Variants in LSM12 observed in about 807,000 individuals in gnomAD.
LSM12 encodes protein LSM12.
For synonymous variants in LSM12, 74 were observed against 87.3 expected, an observed-to-expected ratio of 0.85 and a Z score of 0.85; for missense variants, 108 against 238.9, an observed-to-expected ratio of 0.45 and a Z score of 3.61.
chr17:44,052,336 C>G (rs2049656066), intron 2 of LSM12, among the ~76,000 whole-genome samples: 1 of 151,434 alleles, frequency 6.6e-6, no homozygotes, highest in Admixed American at 6.6e-5. Flanking sequence ...TAAAAAAAAT[C>G]AGCCAGGTGT....
At chr17:44,066,816 T>A, upstream of LSM12, 1 of 393,976 alleles carries the variant, frequency 2.5e-6, no homozygotes, top group Non-Finnish European at 4.1e-6. Context: ...TAAGTGCTTG[T>A]AGAGTCCATT....
intron 2 of LSM12, among the ~76,000 whole-genome samples, chr17:44,052,442 A>G (rs1368242984): frequency 6.6e-6 from 1 of 152,102 alleles, no homozygotes; most frequent in Non-Finnish European, 1.5e-5. Flanking sequence ...AGAGCAAGAC[A>G]ACAGAGCAAG....
chr17:44,055,053 T>C (rs1285739164), intron 2 of LSM12, among the ~76,000 whole-genome samples: 1 of 151,852 alleles, frequency 6.6e-6, no homozygotes, highest in Admixed American at 6.6e-5. Context: ...ATTTTCACCA[T>C]ATTGGCCAGA....
chr17:44,053,786 T>G (rs920880866), intron 2 of LSM12, among the ~76,000 whole-genome samples: 2 of 152,126 alleles, frequency 1.3e-5, no homozygotes, highest in Non-Finnish European at 2.9e-5. Flanking sequence ...TGCTTCAATC[T>G]CCAGGGTAGT....
intron 3 of LSM12, among the ~76,000 whole-genome samples, chr17:44,038,805 C>G (rs944716357): frequency 6.6e-6 from 1 of 152,216 alleles, no homozygotes; most frequent in African/African-American, 2.4e-5. Context: ...TTCCAGTTCA[C>G]ACTTGGGAAG....
chr17:44,062,023 C>T (rs1405240984), intron 2 of LSM12, among the ~76,000 whole-genome samples: 1 of 151,874 alleles, frequency 6.6e-6, no homozygotes, highest in Non-Finnish European at 1.5e-5. Context: ...AGATCGAGAC[C>T]GTCCTGGCTA....
intron 3 of LSM12, among the ~76,000 whole-genome samples, chr17:44,038,414 C>T (rs1054284510): frequency 1.3e-5 from 2 of 150,964 alleles, no homozygotes; most frequent in African/African-American, 4.9e-5. Flanking sequence ...AATCCCAGCA[C>T]TTTGGAGGCC....
chr17:44,063,281 T>A lies in LSM12; in HGVS notation c.258+520A>T, dbSNP rs139668172. The stretch of plus-strand genomic sequence containing the variant: ...GGGTTCCCAGAGATCAACTTTTATG[T>A]GCAAGATTAAAATATGCTAAGCATG... On this transcript the variant is annotated intron_variant, in intron 2 of 4. Transcript: ENST00000293406. Among the ~76,000 whole-genome samples, 26 of 152,242 alleles carry A rather than the reference T, an allele frequency of 1.7e-4. No individual in the cohort carries two copies. The East Asian group carries it at 4.4e-3, about 26-fold the overall frequency.
In LSM12 at chr17:44,049,014, C is replaced by A. The variant is rs2049607921; in HGVS notation, c.259-8758G>T. ...GACTAGCCTGGCCAACATTGTGAAA[C>A]CCTGTCTCTACTGAAAATACAAAAA... On this transcript the variant is annotated intron_variant, in intron 2 of 4. Coordinates refer to ENST00000293406, the MANE Select transcript of LSM12 (RefSeq NM_001371445.1). Among the ~76,000 whole-genome samples, 4 of 152,068 alleles carry A rather than the reference C, an allele frequency of 2.6e-5. No individual in the cohort carries two copies. The South Asian group carries it at 8.3e-4, about 32-fold the overall frequency.
chr17:44,064,102 C>G (rs1417988860), intron 1 of LSM12, among the ~76,000 whole-genome samples, 168 bp from the exon 2 acceptor site: 1 of 152,204 alleles, frequency 6.6e-6, no homozygotes, highest in African/African-American at 2.4e-5. Context: ...TGCCTGTCAC[C>G]TTCCTCCTGC....
chr17:44,048,954 C>T (rs980430084), intron 2 of LSM12, among the ~76,000 whole-genome samples: 3 of 152,186 alleles, frequency 2.0e-5, no homozygotes, highest in Non-Finnish European at 4.4e-5. Flanking sequence ...CTTTGGGAGG[C>T]CAAGGCAGGA....
At chr17:44,049,279 GTTTGTT>G (rs1040070537) in intron 2 of LSM12, among the ~76,000 whole-genome samples, 9 of 152,190 alleles carry the variant, frequency 5.9e-5, no homozygotes, top group Non-Finnish European at 7.4e-5. Flanking sequence ...ATTTTTGTTT[GTTTGTT>G]TTTGTTTTTA....
At chr17:44,064,948 ACG>A in intron 1 of LSM12, among the ~76,000 whole-genome samples, 8 of 151,802 alleles carry the variant, frequency 5.3e-5, no homozygotes, top group African/African-American at 1.7e-4. Context: ...CTTGGCTAAC[ACG>A]GTGAAACCCC....
chr17:44,045,675 A>G (rs2049553408), intron 2 of LSM12, among the ~76,000 whole-genome samples: 1 of 152,054 alleles, frequency 6.6e-6, no homozygotes, highest in African/African-American at 2.4e-5. Context: ...GGCTCAAGCA[A>G]TCCTCCCACT....
Position 44,036,016 on chromosome 17 carries a change from C to G in LSM12, c.*192G>C, listed in dbSNP as rs537416688. On this transcript the variant is annotated 3_prime_UTR_variant, in exon 5 of 5. Coordinates refer to ENST00000293406, the MANE Select transcript of LSM12 (RefSeq NM_001371445.1). ...GTCTGTTAGTCAAGTAATGATTCAA[C>G]TTTTAAATTATTCTCTTGTTCTTTT... 7 of 482,966 alleles carry G rather than the reference C, an allele frequency of 1.4e-5. No individual in the cohort carries two copies. The African/African-American group carries it at 1.5e-4, about 10-fold the overall frequency. The allele number at this position is 482,966 out of a possible 1,614,324, so 29.9% of individuals were successfully genotyped here. A position where few individuals can be genotyped will look rare whatever the true frequency, so the allele number is the denominator to read the frequency against.
intron 2 of LSM12, among the ~76,000 whole-genome samples, chr17:44,052,363 A>C (rs976684600): frequency 1.3e-5 from 2 of 152,068 alleles, no homozygotes; most frequent in African/African-American, 2.4e-5. Context: ...ATGCACCTGT[A>C]GTCTCAGCTA....
In LSM12 at chr17:44,034,534, G is replaced by A. The variant is rs1208347056; in HGVS notation, c.*1674C>T. ...CGGGGGTGAAAAGAGAGGGTAAATA[G>A]TAGGAAGAAGAGACTCTAAAGAGAA... is the stretch of plus-strand genomic sequence containing the variant. On this transcript the variant is annotated 3_prime_UTR_variant, in exon 5 of 5. Coordinates refer to ENST00000293406, the MANE Select transcript of LSM12 (RefSeq NM_001371445.1). 1.3e-5 allele frequency: 2 copies of A among 152,438 alleles called. No homozygotes were observed. Among genetic ancestry groups the A allele is most frequent in the Non-Finnish European group, 2.9e-5 (2 of 68,036 alleles). The allele number at this position is 152,438 out of a possible 1,614,324, so 9.4% of individuals were successfully genotyped here.
intron 2 of LSM12, among the ~76,000 whole-genome samples, chr17:44,057,753 T>C (rs2049737314): frequency 6.7e-6 from 1 of 149,854 alleles, no homozygotes; most frequent in Admixed American, 6.6e-5. Context: ...ACGGAGACTC[T>C]GTCTCAAAAA....
intron 2 of LSM12, among the ~76,000 whole-genome samples, chr17:44,063,565 T>C (rs918370561): frequency 2.0e-5 from 3 of 152,214 alleles, no homozygotes; most frequent in African/African-American, 4.8e-5. Flanking sequence ...TCCTCTTTCA[T>C]AAAGGCAGAA....
Sources: allele counts gnomAD v4.1 joint callset (sites outside exome capture counted in the v4.1 genomes callset), GRCh38; gene constraint gnomAD v4.1.1; transcripts MANE v1.5; gene names NCBI Gene and HGNC (gene_info 2026-07-23, HGNC 2026-07-21).